Variants in PCDH15 observed in about 807,000 individuals in gnomAD.
The protein encoded by PCDH15 is protocadherin-15.
A neutral mutation model predicts 178.5 loss-of-function variants in PCDH15; 129 were observed. The ratio of observed to expected loss-of-function variants is 0.72; its 90% confidence interval spans 0.63 to 0.84. The LOEUF (loss-of-function observed/expected upper bound fraction) is 0.84, where lower values mean the gene tolerates loss of function less well. Among genes scored for constraint, PCDH15 ranks in the 40% least tolerant of loss-of-function variants. PCDH15 has a pLI of 0.00. For missense variants in PCDH15, 2,230 were observed against 2,099.9 expected, an observed-to-expected ratio of 1.06 and a Z score of -1.21; for synonymous variants, 800 against 732.0, an observed-to-expected ratio of 1.09 and a Z score of -1.50.
intron 2 of PCDH15, among the ~76,000 whole-genome samples, chr10:55,164,246 C>T (rs1381656059): frequency 6.6e-6 from 1 of 151,690 alleles, no homozygotes; most frequent in Non-Finnish European, 1.5e-5. Flanking sequence ...AACTTTATCT[C>T]GTATTTTCTC....
chr10:55,522,618 A>T (rs1841206539), intron 2 of PCDH15, among the ~76,000 whole-genome samples: 1 of 151,732 alleles, frequency 6.6e-6, no homozygotes, highest in Non-Finnish European at 1.5e-5. Context: ...CTTTAGTTTT[A>T]TATAAGTATA....
At chr10:54,231,635 C>A (rs1016411642) in intron 9 of PCDH15, among the ~76,000 whole-genome samples, 1 of 152,192 alleles carries the variant, frequency 6.6e-6, no homozygotes, top group African/African-American at 2.4e-5. Flanking sequence ...CACCAAACAC[C>A]AGCCCATGAA....
intron 13 of PCDH15, 73 bp from the exon 14 acceptor site, chr10:54,153,366 C>A (rs2044752178): frequency 6.6e-7 from 1 of 1,512,236 alleles, no homozygotes; most frequent in Non-Finnish European, 9.2e-7. Flanking sequence ...TTTCCCCCAA[C>A]AAAAGAAGCT....
chr10:55,165,767 A>G (rs1046134406), intron 2 of PCDH15, among the ~76,000 whole-genome samples: 1 of 151,994 alleles, frequency 6.6e-6, no homozygotes, highest in African/African-American at 2.4e-5. Context: ...TAAATTGCAA[A>G]TTACAGTTAT....
chr10:54,765,029 C>T (rs1017244411), intron 1 of PCDH15, among the ~76,000 whole-genome samples: 1 of 152,032 alleles, frequency 6.6e-6, no homozygotes, highest in Non-Finnish European at 1.5e-5. Flanking sequence ...AGGCAAAAAG[C>T]TATGACATAC....
At chr10:55,087,985 G>T (rs1842217003) in intron 2 of PCDH15, among the ~76,000 whole-genome samples, 1 of 151,912 alleles carries the variant, frequency 6.6e-6, no homozygotes, top group South Asian at 2.1e-4. Context: ...TTATAATCAA[G>T]TTAATTATCT....
intron 2 of PCDH15, among the ~76,000 whole-genome samples, chr10:55,619,118 C>G (rs568503365): frequency 2.2e-4 from 34 of 152,056 alleles, no homozygotes; most frequent in Non-Finnish European, 4.9e-4. Context: ...AAAAATGCAA[C>G]CACGTATGTT....
intron 2 of PCDH15, among the ~76,000 whole-genome samples, chr10:55,544,192 A>C (rs1338193206): frequency 7.1e-6 from 1 of 140,196 alleles, no homozygotes; most frequent in Admixed American, 7.5e-5. Context: ...GACAGTATAC[A>C]TATATGCATA....
chr10:54,351,044 C>A (rs1944088653), intron 5 of PCDH15, among the ~76,000 whole-genome samples: 1 of 151,548 alleles, frequency 6.6e-6, no homozygotes, highest in Admixed American at 6.6e-5. Context: ...ACTGAGGTTG[C>A]AGTGAGCTGA....
intron 8 of PCDH15, among the ~76,000 whole-genome samples, chr10:54,279,011 T>G (rs2058514916): frequency 6.6e-6 from 1 of 151,668 alleles, no homozygotes; most frequent in Non-Finnish European, 1.5e-5. Context: ...TGTACTATAT[T>G]CACAGAAATT....
chr10:54,616,890 T>G (rs80248160), intron 2 of PCDH15, among the ~76,000 whole-genome samples: 2 of 152,086 alleles, frequency 1.3e-5, no homozygotes, highest in African/African-American at 2.4e-5. Flanking sequence ...ATTTAGAAGC[T>G]TATAACTTCT....
chr10:54,936,452 C>A (rs1733769), intron 2 of PCDH15, among the ~76,000 whole-genome samples: 20,343 of 151,828 alleles, frequency 0.13, 1,555 homozygotes, highest in East Asian at 0.23. Context: ...GAGTAACTGC[C>A]AAACAGTTTT....
At chr10:55,363,704 C>T (rs1845286879) in intron 2 of PCDH15, among the ~76,000 whole-genome samples, 1 of 151,982 alleles carries the variant, frequency 6.6e-6, no homozygotes, top group South Asian at 2.1e-4. Context: ...GGCGCGATAT[C>T]GGCTCACTGC....
chr10:55,320,452 GCACCCTGCCA>G, upstream of PCDH15, among the ~76,000 whole-genome samples: 1 of 151,870 alleles, frequency 6.6e-6, no homozygotes, highest in East Asian at 1.9e-4. Context: ...CAGCAAGCAT[GCACCCTGCCA>G]TGTTGCCCAC....
chr10:55,622,705 A>T (rs1226952744), intron 2 of PCDH15, among the ~76,000 whole-genome samples: 7 of 152,224 alleles, frequency 4.6e-5, no homozygotes, highest in African/African-American at 1.7e-4. Flanking sequence ...TTAAAGAAAA[A>T]GTAATCACTT....
chr10:55,391,803 T>C (rs1183463754), intron 2 of PCDH15, among the ~76,000 whole-genome samples: 1 of 152,226 alleles, frequency 6.6e-6, no homozygotes, highest in Non-Finnish European at 1.5e-5. Flanking sequence ...GCATTTTTAA[T>C]ATTCTTCAAT....
intron 2 of PCDH15, among the ~76,000 whole-genome samples, chr10:55,544,139 C>CATATATATATAT (rs1176456895): frequency 0.022 from 1,187 of 53,736 alleles, 27 homozygotes; most frequent in Non-Finnish European, 0.03. Context: ...CTTATACATA[C>CATATATATATAT]ATATATATAT....
intron 28 of PCDH15, among the ~76,000 whole-genome samples, chr10:53,851,704 ATATATATATATATATATATT>A: frequency 1.3e-5 from 1 of 77,218 alleles, no homozygotes; most frequent in Non-Finnish European, 3.1e-5. Context: ...ATATATATAT[ATATATATATATATATATATT>A]TACACACACA....
At chr10:54,062,464 AAT>A (rs562958500) in intron 18 of PCDH15, among the ~76,000 whole-genome samples, 16 of 152,160 alleles carry the variant, frequency 1.1e-4, no homozygotes. Context: ...TAGTGAAATT[AAT>A]ATATGATATA....
Sources: gnomAD v4.1 joint callset for allele counts (sites outside exome capture counted in the v4.1 genomes callset) on GRCh38, gnomAD v4.1.1 for gene constraint, MANE v1.5 for transcripts, NCBI Gene and HGNC (gene_info 2026-07-23, HGNC 2026-07-21) for gene names.